Variants in EPHA5 observed in about 807,000 individuals in gnomAD.
The protein encoded by EPHA5 is EPH receptor A5.
In EPHA5, 60 loss-of-function variants were observed where a neutral mutation model predicts 105.0. The ratio of observed to expected loss-of-function variants is 0.57; its 90% CI spans 0.46 to 0.71. EPHA5 has a LOEUF of 0.71. Ranked by LOEUF, EPHA5 falls within the 30% of genes least tolerant of loss-of-function variation. EPHA5 has a pLI of 0.00. For missense variants in EPHA5, 1,218 were observed against 1,274.7 expected (o/e 0.96, Z 0.68); for synonymous variants, 513 against 449.1 (o/e 1.14, Z -1.80).
At chr4:65,574,681 TATATATACATATATATAC>T (rs1259513570) in intron 3 of EPHA5, among the ~76,000 whole-genome samples, 4 of 81,084 alleles carry the variant, frequency 4.9e-5, no homozygotes, top group African/African-American at 1.7e-4. Flanking sequence ...TATATATACA[TATATATACATATATATAC>T]ATATATATAC....
At chr4:65,411,749 T>C (rs181067252) in intron 7 of EPHA5, among the ~76,000 whole-genome samples, 14 of 152,238 alleles carry the variant, frequency 9.2e-5, no homozygotes, top group Admixed American at 9.2e-4. Context: ...AAAAATACAA[T>C]ACAAAAGTTC....
intron 5 of EPHA5, among the ~76,000 whole-genome samples, chr4:65,476,738 T>C (rs994572553): frequency 2.1e-4 from 32 of 152,072 alleles, no homozygotes; most frequent in Non-Finnish European, 4.1e-4. Flanking sequence ...TTTTAAAATA[T>C]AGTGTCTAAA....
intron 2 of EPHA5, among the ~76,000 whole-genome samples, chr4:65,617,627 C>A (rs1285576644): frequency 6.6e-6 from 1 of 152,068 alleles, no homozygotes; most frequent in Non-Finnish European, 1.5e-5. Flanking sequence ...ATGTTGCCAG[C>A]CTTTTGGTCT....
At chr4:65,330,351 AG>A (rs1720491020) in intron 16 of EPHA5, among the ~76,000 whole-genome samples, 1 of 151,142 alleles carries the variant, frequency 6.6e-6, no homozygotes, top group Non-Finnish European at 1.5e-5. Context: ...TAGAAAAAAA[AG>A]GAATAAGAAA....
intron 14 of EPHA5, among the ~76,000 whole-genome samples, chr4:65,337,162 A>G (rs1316909436): frequency 1.3e-5 from 2 of 152,112 alleles, no homozygotes; most frequent in African/African-American, 2.4e-5. Flanking sequence ...AAAATATATA[A>G]TGATCAAATC....
chr4:65,372,325 A>T (rs573825758), intron 8 of EPHA5, among the ~76,000 whole-genome samples: 2 of 152,092 alleles, frequency 1.3e-5, no homozygotes, highest in South Asian at 2.1e-4. Context: ...ATGAACATTA[A>T]GTTATTAACA....
At chr4:65,478,945 T>A (rs1008281515) in intron 5 of EPHA5, among the ~76,000 whole-genome samples, 7 of 152,176 alleles carry the variant, frequency 4.6e-5, no homozygotes, top group Non-Finnish European at 2.9e-5. Flanking sequence ...GCAGTTGTCT[T>A]TTGTTATCTG....
At chr4:65,464,838 A>G (rs1007658420) in intron 5 of EPHA5, among the ~76,000 whole-genome samples, 11 of 152,226 alleles carry the variant, frequency 7.2e-5, no homozygotes, top group African/African-American at 2.6e-4. Context: ...TTTTGGAATT[A>G]ATAGCATTTA....
chr4:65,588,953 T>C (rs1037681528), intron 3 of EPHA5, among the ~76,000 whole-genome samples: 1 of 152,210 alleles, frequency 6.6e-6, no homozygotes, highest in African/African-American at 2.4e-5. Context: ...TTATCTCTCA[T>C]TGAAATTAGA....
chr4:65,506,963 T>C (rs1366719182), intron 3 of EPHA5, among the ~76,000 whole-genome samples: 1 of 152,190 alleles, frequency 6.6e-6, no homozygotes, highest in Non-Finnish European at 1.5e-5. Flanking sequence ...CTGAACGGTA[T>C]TGCCTAGGTT....
At chr4:65,622,756 T>G (rs1264777092) in intron 2 of EPHA5, among the ~76,000 whole-genome samples, 2 of 152,158 alleles carry the variant, frequency 1.3e-5, no homozygotes, top group East Asian at 3.9e-4. Context: ...CCTGTATAAA[T>G]TCTAGGTGAT....
intron 2 of EPHA5, among the ~76,000 whole-genome samples, chr4:65,637,863 T>C (rs1270109625): frequency 6.6e-6 from 1 of 152,000 alleles, no homozygotes; most frequent in African/African-American, 2.4e-5. Flanking sequence ...TTTAGAAACA[T>C]TGTAAAGTGG....
intron 5 of EPHA5, among the ~76,000 whole-genome samples, chr4:65,432,212 G>A (rs1481167159): frequency 1.3e-5 from 2 of 152,128 alleles, no homozygotes; most frequent in Non-Finnish European, 2.9e-5. Flanking sequence ...ATTCAAGGAG[G>A]AATTGAGGCA....
At chr4:65,467,623 C>A (rs7664993) in intron 5 of EPHA5, among the ~76,000 whole-genome samples, 132,895 of 152,216 alleles carry the variant, frequency 0.87, 58,249 homozygotes, top group Middle Eastern at 0.92. Flanking sequence ...CTTCAGATGC[C>A]TAAGAGAGTC....
chr4:65,398,619 C>T (rs1002600884), intron 8 of EPHA5, among the ~76,000 whole-genome samples: 1 of 152,174 alleles, frequency 6.6e-6, no homozygotes, highest in African/African-American at 2.4e-5. Flanking sequence ...ACTCAACACA[C>T]ACTTTCTTCC....
At chr4:65,466,407 A>G (rs534300867) in intron 5 of EPHA5, among the ~76,000 whole-genome samples, 1 of 152,336 alleles carries the variant, frequency 6.6e-6, no homozygotes, top group African/African-American at 2.4e-5. Context: ...AATAAATGAT[A>G]AAGTTCCAGA....
intron 3 of EPHA5, among the ~76,000 whole-genome samples, chr4:65,583,594 A>C (rs1741849201): frequency 2.0e-5 from 3 of 151,836 alleles, no homozygotes. Context: ...GACTGATTGC[A>C]ATGATGAATA....
chr4:65,404,322 G>T (rs980484617), intron 8 of EPHA5, 52 bp downstream of exon 8: 24 of 1,487,402 alleles, frequency 1.6e-5, no homozygotes, highest in Non-Finnish European at 2.1e-5. Context: ...GTCAGATCAA[G>T]GTGAGGAAGA....
At chr4:65,376,942 C>T (rs367743685) in intron 8 of EPHA5, 48 of 1,451,256 alleles carry the variant, frequency 3.3e-5, no homozygotes, top group Middle Eastern at 3.6e-4. Flanking sequence ...GGAATGCCGA[C>T]GGTAATACAT....
Sources: allele counts gnomAD v4.1 joint callset (sites outside exome capture counted in the v4.1 genomes callset), GRCh38; gene constraint gnomAD v4.1.1; transcripts MANE v1.5; gene names NCBI Gene and HGNC (gene_info 2026-07-23, HGNC 2026-07-21).